The following XRN1 variants were observed in gnomAD, a reference collection of about 807,000 sequenced individuals.
The protein encoded by XRN1 is 5'-3' exoribonuclease 1.
Under a neutral mutation model 222.3 loss-of-function variants are expected in XRN1, and 67 were observed. The ratio of observed to expected loss-of-function variants is 0.30; its 90% CI spans 0.25 to 0.37. The LOEUF is 0.37. Among genes scored for constraint, XRN1 ranks in the 10% least tolerant of loss-of-function variants. The probability of loss-of-function intolerance (pLI) is 1.00; values close to 1 mark genes in which losing one functional copy is unlikely to be tolerated. For synonymous variants in XRN1, 643 were observed against 652.4 expected (o/e 0.99, Z 0.22); for missense variants, 1,707 against 2,000.2 (o/e 0.85, Z 2.80).
At chr3:142,359,753 C>T (rs563888171) in intron 30 of XRN1, 109 bp downstream of exon 30, 113 of 727,302 alleles carry the variant, frequency 1.6e-4, no homozygotes, top group Middle Eastern at 2.5e-4. Flanking sequence ...GTAGCAAGTA[C>T]GTCTTACACA....
chr3:142,353,857 C>T (rs1051397393), intron 32 of XRN1, among the ~76,000 whole-genome samples: 6 of 151,966 alleles, frequency 3.9e-5, no homozygotes, highest in South Asian at 2.1e-4. Flanking sequence ...AGTTTCTGCT[C>T]GCTAAAAAAA....
At chr3:142,341,321 A>C (rs775921397) in intron 33 of XRN1, among the ~76,000 whole-genome samples, 1 of 152,162 alleles carries the variant, frequency 6.6e-6, no homozygotes. Flanking sequence ...GCAAGAAATT[A>C]TGTCACACCA....
chr3:142,376,662 C>A, intron 23 of XRN1, 68 bp from the exon 24 acceptor site: 1 of 1,144,246 alleles, frequency 8.7e-7, no homozygotes, highest in Admixed American at 2.3e-5. Flanking sequence ...ATTTCTTTAC[C>A]TTTAAAATCT....
At chr3:142,426,971 G>T in intron 2 of XRN1, 130 bp from the exon 3 acceptor site, 2 of 641,910 alleles carry the variant, frequency 3.1e-6, no homozygotes, top group Non-Finnish European at 5.3e-6. Context: ...AAACATACAA[G>T]TTTTGAAATG....
At chr3:142,370,973 T>A (rs2107888502) in intron 26 of XRN1, among the ~76,000 whole-genome samples, 1 of 149,398 alleles carries the variant, frequency 6.7e-6, no homozygotes. Flanking sequence ...AGCCTAGGAG[T>A]CAAAAAAAAA....
intron 27 of XRN1, among the ~76,000 whole-genome samples, chr3:142,366,201 C>G (rs2066806603): frequency 6.6e-6 from 1 of 152,126 alleles, no homozygotes; most frequent in Non-Finnish European, 1.5e-5. Context: ...AACTACTATT[C>G]ATACTAAAAA....
intron 1 of XRN1, among the ~76,000 whole-genome samples, chr3:142,442,767 T>C (rs1156648331): frequency 6.6e-6 from 1 of 152,208 alleles, no homozygotes; most frequent in Admixed American, 6.5e-5. Context: ...GGAATCTCGC[T>C]CTGTTGCCCA....
chr3:142,359,866 T>C lies in XRN1; in HGVS notation c.3460A>G (p.Ile1154Val), dbSNP rs1412893692. 3 of 1,600,990 alleles carry C rather than the reference T, an allele frequency of 1.9e-6. No homozygotes were observed. In the South Asian group the frequency reaches 3.3e-5, roughly 18 times the overall value. The change falls in exon 30 of 41, where the codon ATA becomes GTA. Residue 1154 changes from isoleucine to valine, a missense_variant. Ile to Val is a conservative substitution (Grantham distance 29, BLOSUM62 3). Around this residue, in one of 2 missense-constraint regions of XRN1, gnomAD observed 1,234 missense variants for 1,518.2 expected, o/e 0.81. Transcript: ENST00000392981. ...TTATCATTGGGAAATACAAACCTTA[T>C]TGTTAACCCTCCAGGAAATTCTTCA... is the stretch of plus-strand genomic sequence containing the variant. ...FDEEFPGGLT[I>V]RCSPGRGYRL... is the part of the protein sequence containing the mutation.
intron 32 of XRN1, among the ~76,000 whole-genome samples, chr3:142,353,310 T>C (rs1187693762): frequency 6.6e-6 from 1 of 152,140 alleles, no homozygotes; most frequent in African/African-American, 2.4e-5. Context: ...TGAAAATAAT[T>C]ATGAAAATTC....
chr3:142,356,783 T>G (rs1430634529), intron 31 of XRN1, 129 bp downstream of exon 31: 2 of 918,314 alleles, frequency 2.2e-6, no homozygotes, highest in African/African-American at 3.4e-5. Flanking sequence ...AAATTTGGAA[T>G]TGACCTGAGC....
At chr3:142,379,574 T>C (rs1272143882) in intron 23 of XRN1, among the ~76,000 whole-genome samples, 1 of 152,180 alleles carries the variant, frequency 6.6e-6, no homozygotes, top group Non-Finnish European at 1.5e-5. Context: ...CCCTCTATTT[T>C]AACAAGAGAA....
intron 18 of XRN1, among the ~76,000 whole-genome samples, chr3:142,403,028 G>A (rs997885162): frequency 8.5e-5 from 13 of 152,098 alleles, no homozygotes; most frequent in African/African-American, 2.7e-4. Context: ...TTATTATACT[G>A]CCACCAAATT....
intron 23 of XRN1, among the ~76,000 whole-genome samples, chr3:142,378,782 C>T (rs558346900): frequency 1.3e-5 from 2 of 152,078 alleles, no homozygotes; most frequent in South Asian, 4.2e-4. Flanking sequence ...AAGAGCTGAA[C>T]AGGAGAAGGG....
chr3:142,425,471 G>C lies in XRN1; in HGVS notation c.474C>G (p.Asp158Glu). The change falls in exon 4 of 41, where the codon GAC (aspartate) becomes GAG (glutamate). Residue 158 changes from aspartate (D) to glutamate (E), a missense_variant. Asp to Glu is a conservative substitution (Grantham distance 45). Coordinates refer to ENST00000392981, the MANE Select transcript of XRN1 (RefSeq NM_001282857.2). ...AGATGGTAACTCCTTGCCATGACTT[G>C]TCTGTGGAAATTTTCATATTTACAA... The part of the protein sequence containing the change: ...KYFVNMKIST[D>E]KSWQGVTIYF... 6.2e-7 allele frequency: 1 copy of C among 1,613,404 alleles called. No individual in the cohort carries two copies. Among genetic ancestry groups the C allele is most frequent in the East Asian group, 2.2e-5 (1 of 44,818 alleles).
chr3:142,359,984 T>A (rs1449690368), intron 29 of XRN1, 53 bp from the exon 30 acceptor site: 2 of 1,314,470 alleles, frequency 1.5e-6, no homozygotes, highest in Non-Finnish European at 2.1e-6. Context: ...TGATGAAAAA[T>A]CAACAGATAA....
intron 1 of XRN1, among the ~76,000 whole-genome samples, chr3:142,442,625 T>A (rs2070275021): frequency 6.6e-6 from 1 of 152,218 alleles, no homozygotes; most frequent in Admixed American, 6.5e-5. Flanking sequence ...AATTATTATT[T>A]ACTGGACCAG....
At chr3:142,341,504 G>A (rs1284237880) in intron 33 of XRN1, among the ~76,000 whole-genome samples, 2 of 151,800 alleles carry the variant, frequency 1.3e-5, no homozygotes, top group Non-Finnish European at 2.9e-5. Context: ...AGGAAGACAG[G>A]AAAGGAGGAA....
intron 39 of XRN1, among the ~76,000 whole-genome samples, chr3:142,316,485 G>A (rs572344161): frequency 2.6e-5 from 4 of 152,048 alleles, no homozygotes; most frequent in African/African-American, 9.6e-5. Flanking sequence ...GCTTAGTCTT[G>A]CTCATATCAA....
At chr3:142,446,972 A>T (rs1030209621) in intron 1 of XRN1, among the ~76,000 whole-genome samples, 9 of 152,124 alleles carry the variant, frequency 5.9e-5, no homozygotes, top group African/African-American at 2.2e-4. Flanking sequence ...AGCTACACAA[A>T]TTTCAAGCTT....
Sources: allele counts gnomAD v4.1 joint callset (sites outside exome capture counted in the v4.1 genomes callset), GRCh38; gene constraint gnomAD v4.1.1; regional missense constraint gnomAD v4.1.1; transcripts MANE v1.5; gene names NCBI Gene and HGNC (gene_info 2026-07-23, HGNC 2026-07-21).